Variants in GABRR3 observed in about 807,000 individuals in gnomAD.
The protein encoded by GABRR3 is gamma-aminobutyric acid receptor subunit rho-3.
A neutral mutation model predicts 43.2 loss-of-function variants in GABRR3; 29 were observed. That is an observed-to-expected ratio of 0.67 (90% CI 0.50 to 0.92). The LOEUF (loss-of-function observed/expected upper bound fraction) is 0.92. Among genes scored for constraint, GABRR3 ranks in the 40% least tolerant of loss-of-function variants. The pLI is 0.00. For missense variants in GABRR3, 576 were observed against 572.3 expected (o/e 1.01, Z -0.07); for synonymous variants, 206 against 195.9 (o/e 1.05, Z -0.43).
At chr3:98,031,096 A>T (rs1707081512) in intron 2 of GABRR3, among the ~76,000 whole-genome samples, 1 of 152,180 alleles carries the variant, frequency 6.6e-6, no homozygotes, top group Admixed American at 6.5e-5. Context: ...CTAACTTCTG[A>T]ACTCTGGAAA....
chr3:98,029,121 G>C (rs1308011270), intron 2 of GABRR3, among the ~76,000 whole-genome samples: 1 of 152,126 alleles, frequency 6.6e-6, no homozygotes. Flanking sequence ...TCTGAGTCCT[G>C]ATGGGATCAG....
At chr3:97,990,019 T>C (rs1327049994) in intron 9 of GABRR3, among the ~76,000 whole-genome samples, 2 of 152,144 alleles carry the variant, frequency 1.3e-5, no homozygotes, top group Non-Finnish European at 2.9e-5. Flanking sequence ...CCCACAGACA[T>C]TTCTTCTATC....
intron 3 of GABRR3, among the ~76,000 whole-genome samples, chr3:98,018,812 G>A (rs777744373): frequency 7.9e-5 from 12 of 151,970 alleles, no homozygotes; most frequent in South Asian, 4.2e-4. Context: ...TGTTTTAATC[G>A]AGATTCAAAG....
At chr3:98,005,456 AATG>A (rs759148950) in intron 7 of GABRR3, among the ~76,000 whole-genome samples, 9 of 152,152 alleles carry the variant, frequency 5.9e-5, no homozygotes, top group Non-Finnish European at 1.2e-4. Flanking sequence ...TAGGAACCAA[AATG>A]ATATTTCTTA....
At chr3:98,022,018 G>A (rs1327495571) in intron 3 of GABRR3, among the ~76,000 whole-genome samples, 1 of 152,120 alleles carries the variant, frequency 6.6e-6, no homozygotes, top group African/African-American at 2.4e-5. Context: ...GTTAATGATA[G>A]GAAAGTAGCC....
intron 9 of GABRR3, among the ~76,000 whole-genome samples, chr3:97,992,199 G>A (rs980776252): frequency 2.0e-5 from 3 of 152,078 alleles, no homozygotes; most frequent in South Asian, 2.1e-4. Context: ...AGGATACTGT[G>A]GGGGGAAGAA....
intron 8 of GABRR3, among the ~76,000 whole-genome samples, chr3:97,995,655 A>T (rs1165331969): frequency 1.3e-5 from 2 of 151,940 alleles, no homozygotes; most frequent in African/African-American, 4.8e-5. Flanking sequence ...GGGTAGGGGG[A>T]GTGAATGATG....
chr3:98,034,921 C>A (rs773295629), exon 2 of GABRR3: 2 of 1,613,160 alleles, frequency 1.2e-6, no homozygotes, highest in Non-Finnish European at 1.7e-6. Context: ...TTAGAAGCAG[C>A]ACAAACATTT....
At chr3:98,014,994 G>T (rs1706856347) in intron 4 of GABRR3, among the ~76,000 whole-genome samples, 1 of 151,950 alleles carries the variant, frequency 6.6e-6, no homozygotes, top group African/African-American at 2.4e-5. Context: ...TTATTCTAAA[G>T]CATATATAAA....
rs375171782 is a variant in GABRR3, at chr3:97,992,567, T to C, written c.1104+285A>G. On this transcript the variant is annotated intron_variant, in intron 9 of 9. Transcript: ENST00000621172. ...TCCATTTGAAAGAATGTGGTTTGTA[T>C]GTCAACCCCTTTTATTCAAAGGGTA... Among the ~76,000 whole-genome samples, 6 of 152,288 alleles carry C rather than the reference T, an allele frequency of 3.9e-5. No individual in the cohort carries two copies. In the South Asian group the frequency reaches 1.0e-3, roughly 26 times the overall value.
chr3:98,018,844 T>C (rs2107244025), intron 3 of GABRR3, among the ~76,000 whole-genome samples: 2 of 152,238 alleles, frequency 1.3e-5, no homozygotes, highest in South Asian at 4.2e-4. Context: ...GCGTGGTGGC[T>C]CACTCCTGTT....
In GABRR3 at chr3:98,027,401, A is replaced by G. The variant is rs530091458; in HGVS notation, c.126-1722T>C. Among the ~76,000 whole-genome samples the G allele has an allele frequency of 4.6e-5, 7 of 152,392 alleles. No individual in the cohort carries two copies. In the South Asian group the frequency reaches 1.5e-3, roughly 32 times the overall value. ...TTTTAAGAAAAATGGAAATGTAACT[A>G]TGAGTGAAAACTCATGAAAATTTGT... On this transcript the variant is annotated intron_variant, in intron 2 of 9. Coordinates refer to ENST00000621172, the Ensembl canonical transcript of GABRR3.
intron 3 of GABRR3, among the ~76,000 whole-genome samples, chr3:98,021,288 G>C (rs56808878): frequency 0.014 from 2,139 of 152,168 alleles, 34 homozygotes; most frequent in African/African-American, 0.049. Context: ...AAGCCAAAAC[G>C]CAGAATCAGA....
chr3:98,028,329 C>T (rs1168955605), intron 2 of GABRR3, among the ~76,000 whole-genome samples: 10 of 152,150 alleles, frequency 6.6e-5, no homozygotes, highest in Admixed American at 6.5e-4. Context: ...AATTTTGTTT[C>T]AGTATTCTTT....
intron 2 of GABRR3, among the ~76,000 whole-genome samples, chr3:98,029,174 C>G (rs936604160): frequency 2.6e-5 from 4 of 152,136 alleles, no homozygotes; most frequent in Non-Finnish European, 5.9e-5. Flanking sequence ...CACTGGCATT[C>G]CTAATTTTTG....
At chr3:98,022,629 G>A (rs1706962350) in intron 3 of GABRR3, among the ~76,000 whole-genome samples, 1 of 152,170 alleles carries the variant, frequency 6.6e-6, no homozygotes, top group South Asian at 2.1e-4. Context: ...AGGTTAAGGG[G>A]TGTCTTTCAC....
intron 8 of GABRR3, chr3:98,000,180 C>T (rs963410127): frequency 1.3e-5 from 2 of 151,980 alleles, no homozygotes; most frequent in Non-Finnish European, 2.9e-5. Context: ...ATTTCCTAAC[C>T]CTAAGGGATC....
chr3:97,993,074 T>G (rs886415732), intron 8 of GABRR3, 26 bp from the exon 9 acceptor site: 1 of 1,547,302 alleles, frequency 6.5e-7, no homozygotes, highest in African/African-American at 1.4e-5. Context: ...AGTGGCAAGC[T>G]CAGTGATATA....
intron 8 of GABRR3, chr3:98,001,389 G>T: frequency 1.9e-6 from 1 of 518,964 alleles, no homozygotes; most frequent in Non-Finnish European, 3.5e-6. Flanking sequence ...CCAACTGCAG[G>T]TCAGTCAGCA....
Sources: allele counts gnomAD v4.1 joint callset (sites outside exome capture counted in the v4.1 genomes callset), GRCh38; gene constraint gnomAD v4.1.1; transcripts MANE v1.5; gene names NCBI Gene and HGNC (gene_info 2026-07-23, HGNC 2026-07-21).